Variants in HECW2 observed in about 807,000 individuals in gnomAD.
The protein encoded by HECW2 is E3 ubiquitin-protein ligase HECW2.
HECW2 carries 61 observed loss-of-function variants against 175.2 expected under a neutral mutation model. The observed-to-expected ratio is 0.35, with a 90% CI of 0.28 to 0.43. HECW2 has a LOEUF of 0.43. Ranked by LOEUF, HECW2 falls within the 20% of genes least tolerant of loss-of-function variation. The pLI is 1.00. For synonymous variants in HECW2, 671 were observed against 731.0 expected (o/e 0.92, Z 1.32); for missense variants, 1,524 against 2,000.5 (o/e 0.76, Z 4.54).
chr2:196,566,281 C>A (rs1318651799), intron 1 of HECW2, among the ~76,000 whole-genome samples: 39 of 136,182 alleles, frequency 2.9e-4, no homozygotes, highest in Non-Finnish European at 4.0e-4. Flanking sequence ...CAAAAATAAG[C>A]AAAAAAAAAA....
At chr2:196,281,079 G>A (rs1253625748) in intron 14 of HECW2, among the ~76,000 whole-genome samples, 1 of 152,164 alleles carries the variant, frequency 6.6e-6, no homozygotes, top group Non-Finnish European at 1.5e-5. Flanking sequence ...ACAAATGGGT[G>A]TCTACATGTA....
At chr2:196,282,749 T>A (rs796841846) in intron 14 of HECW2, among the ~76,000 whole-genome samples, 3 of 152,276 alleles carry the variant, frequency 2.0e-5, no homozygotes, top group South Asian at 4.1e-4. Flanking sequence ...CTTATCAGAC[T>A]CAAAGGCTCT....
At chr2:196,241,660 T>C (rs967427043) in intron 20 of HECW2, among the ~76,000 whole-genome samples, 5 of 152,230 alleles carry the variant, frequency 3.3e-5, no homozygotes, top group African/African-American at 1.2e-4. Flanking sequence ...TCATGACATG[T>C]TCTGCTGTGA....
rs548112777 is a variant in HECW2, at chr2:196,517,518, A to ATT, written c.-36+75989_-36+75990insAA. Among the ~76,000 whole-genome samples, 691 of 152,350 alleles carry ATT rather than the reference A, an allele frequency of 4.5e-3. 4 individuals carry two copies. The highest frequency in any genetic ancestry group is 0.032 in the South Asian group (156 of 4,826). On this transcript the variant is annotated intron_variant, in intron 1 of 28. Transcript: ENST00000644978. ...ATAAGATGGCTTTAATAAATCTTCAATACTTGGTAATCTCCCATTTTAACA... is the reference window on the plus strand; with the variant it reads ...ATAAGATGGCTTTAATAAATCTTCAATTTACTTGGTAATCTCCCATTTTAACA...
At chr2:196,490,523 G>A (rs558111859) in intron 1 of HECW2, among the ~76,000 whole-genome samples, 215 of 152,268 alleles carry the variant, frequency 1.4e-3, no homozygotes, top group African/African-American at 4.9e-3. Context: ...AGACAGAAAA[G>A]TCACTCTGGA....
intron 1 of HECW2, among the ~76,000 whole-genome samples, chr2:196,549,940 A>G (rs1689554024): frequency 6.6e-6 from 1 of 152,220 alleles, no homozygotes; most frequent in Admixed American, 6.5e-5. Context: ...GAAAGAGGGC[A>G]TGATTCAGTG....
At chr2:196,481,951 T>C (rs1416475550) in intron 1 of HECW2, among the ~76,000 whole-genome samples, 2 of 152,200 alleles carry the variant, frequency 1.3e-5, no homozygotes, top group Non-Finnish European at 2.9e-5. Context: ...GTCCAAGTTC[T>C]CACTTTTTCT....
intron 1 of HECW2, among the ~76,000 whole-genome samples, chr2:196,449,353 C>A (rs148727094): frequency 1.4e-4 from 22 of 152,250 alleles, no homozygotes; most frequent in Middle Eastern, 3.4e-3. Context: ...TGGTAACTAT[C>A]CACTAAAAAT....
At chr2:196,503,019 G>A (rs1241434186) in intron 1 of HECW2, among the ~76,000 whole-genome samples, 3 of 152,162 alleles carry the variant, frequency 2.0e-5, no homozygotes, top group African/African-American at 7.2e-5. Context: ...GAGTGTTGGA[G>A]GTGACAAGTA....
intron 1 of HECW2, among the ~76,000 whole-genome samples, chr2:196,526,592 T>C (rs1450619336): frequency 2.0e-5 from 3 of 148,324 alleles, no homozygotes; most frequent in Non-Finnish European, 4.4e-5. Context: ...TTCTGTTTTT[T>C]CCCCATCTTT....
chr2:196,247,970 C>T (rs1258155153), intron 19 of HECW2, among the ~76,000 whole-genome samples: 1 of 152,152 alleles, frequency 6.6e-6, no homozygotes, highest in Non-Finnish European at 1.5e-5. Flanking sequence ...AAACAAATGC[C>T]CTGTGAGTGA....
chr2:196,198,634 G>A lies in HECW2; in HGVS notation c.*2643C>T, dbSNP rs1436468474. The stretch of plus-strand genomic sequence containing the variant: ...CATACATATATGATGTATTAAGAGT[G>A]TCTTCTATAGTATAAAGAGCATCAC... On this transcript the variant is annotated 3_prime_UTR_variant, in exon 29 of 29. Transcript: ENST00000644978. 2.0e-5 allele frequency: 3 copies of A among 152,164 alleles called. No individual in the cohort carries two copies. The highest frequency in any genetic ancestry group is 7.2e-5 in the African/African-American group (3 of 41,442). 9.4% of individuals were successfully genotyped at this position (152,164 alleles called of 1,614,324 possible).
chr2:196,228,280 T>C (rs570788049), intron 21 of HECW2, 26 bp from the exon 22 acceptor site: 4 of 1,581,970 alleles, frequency 2.5e-6, no homozygotes, highest in East Asian at 2.2e-5. Flanking sequence ...ACAAAAAGAA[T>C]AATCTGTTAC....
Position 196,196,953 on chromosome 2 carries a change from A to G in HECW2, c.*4324T>C, listed in dbSNP as rs10190625. The G allele has an allele frequency of 0.73, 110,460 of 151,522 alleles. 41,629 individuals carry two copies. The highest frequency in any genetic ancestry group is 0.99 in the East Asian group (5,088 of 5,150). The allele number at this position is 151,522 out of a possible 1,614,324, so 9.4% of individuals were successfully genotyped here. On this transcript the variant is annotated 3_prime_UTR_variant, in exon 29 of 29. Transcript: ENST00000644978. ...ACAAAAATTAGCCAGGTGTGGTGGT[A>G]TGCGCCTGTAGTCCCAGTTACTCAG...
intron 3 of HECW2, among the ~76,000 whole-genome samples, chr2:196,340,607 A>G (rs1369372483): frequency 1.3e-5 from 2 of 151,430 alleles, no homozygotes; most frequent in African/African-American, 4.8e-5. Context: ...AAAAAAAAAA[A>G]AAAAAAAAAA....
At position 196,231,771 on chromosome 2, in the gene HECW2, A is replaced by G. The variant is rs558738909; in HGVS notation, c.3765-3517T>C. On this transcript the variant is annotated intron_variant, in intron 21 of 28. Transcript: ENST00000644978. ...TGGGAGGCTGAGGCAGACGGATCACAAGGTCAGGACCATCGAGACCATCCT... is the reference window on the plus strand; with the variant it reads ...TGGGAGGCTGAGGCAGACGGATCACGAGGTCAGGACCATCGAGACCATCCT... Among the ~76,000 whole-genome samples, 28 of 7,450 alleles carry G rather than the reference A, an allele frequency of 3.8e-3. No homozygotes were observed. In the Admixed American group the frequency reaches 0.073, roughly 19 times the overall value. The allele number at this position is 7,450 out of a possible 152,430, so 4.9% of individuals were successfully genotyped here. A position where few individuals can be genotyped will look rare whatever the true frequency, so the allele number is the denominator to read the frequency against.
At chr2:196,311,658 G>T (rs975366140) in intron 10 of HECW2, among the ~76,000 whole-genome samples, 1 of 152,130 alleles carries the variant, frequency 6.6e-6, no homozygotes, top group Admixed American at 6.5e-5. Flanking sequence ...TCAGCCAGGG[G>T]TGGTGGTGCA....
chr2:196,448,898 C>T (rs937610974), intron 1 of HECW2, among the ~76,000 whole-genome samples: 9 of 152,218 alleles, frequency 5.9e-5, no homozygotes, highest in Middle Eastern at 3.4e-3. Context: ...ATCCTTTTTG[C>T]CCTTCCTCTC....
chr2:196,306,637 G>A (rs1018749212), intron 12 of HECW2, 25 bp from the exon 13 acceptor site: 9 of 1,581,090 alleles, frequency 5.7e-6, no homozygotes, highest in East Asian at 2.3e-5. Flanking sequence ...CCACAGAGGC[G>A]GTCAGGGAAA....
Sources: allele counts gnomAD v4.1 joint callset (sites outside exome capture counted in the v4.1 genomes callset), GRCh38; gene constraint gnomAD v4.1.1; transcripts MANE v1.5; gene names NCBI Gene and HGNC (gene_info 2026-07-23, HGNC 2026-07-21).